Variants in KLHL29 observed in about 807,000 individuals in gnomAD.
KLHL29 encodes kelch-like protein 29.
In KLHL29, 21 loss-of-function variants were observed where a neutral mutation model predicts 80.4. That is an observed-to-expected ratio of 0.26 (90% CI 0.19 to 0.38). The LOEUF (loss-of-function observed/expected upper bound fraction) is 0.38. Ranked by LOEUF, KLHL29 falls within the 10% of genes least tolerant of loss-of-function variation. The pLI is 1.00. For missense variants in KLHL29, 867 were observed against 1,223.9 expected, an observed-to-expected ratio of 0.71 and a Z score of 4.35; for synonymous variants, 511 against 526.8, an observed-to-expected ratio of 0.97 and a Z score of 0.41.
intron 2 of KLHL29, among the ~76,000 whole-genome samples, chr2:23,499,507 C>T (rs1024387596): frequency 3.3e-5 from 5 of 152,186 alleles, no homozygotes; most frequent in Middle Eastern, 3.2e-3. Context: ...GACTTGGTGA[C>T]GTTCCCTGGC....
At chr2:23,600,251 C>G (rs922561227) in intron 3 of KLHL29, among the ~76,000 whole-genome samples, 1 of 152,120 alleles carries the variant, frequency 6.6e-6, no homozygotes, top group Non-Finnish European at 1.5e-5. Flanking sequence ...TCTAAGCCTC[C>G]GGATGGAAGG....
At chr2:23,415,226 C>T (rs1666955463) in intron 1 of KLHL29, among the ~76,000 whole-genome samples, 1 of 152,198 alleles carries the variant, frequency 6.6e-6, no homozygotes, top group Non-Finnish European at 1.5e-5. Flanking sequence ...AGTGAATTTG[C>T]CATTTTCAGC....
At chr2:23,613,381 T>C (rs1419844389) in intron 3 of KLHL29, among the ~76,000 whole-genome samples, 1 of 152,194 alleles carries the variant, frequency 6.6e-6, no homozygotes, top group Admixed American at 6.5e-5. Context: ...CAAAAAGATA[T>C]ACTATGCATA....
At chr2:23,639,822 G>T (rs980210497) in intron 4 of KLHL29, among the ~76,000 whole-genome samples, 1 of 152,238 alleles carries the variant, frequency 6.6e-6, no homozygotes, top group African/African-American at 2.4e-5. Context: ...CCACACAACA[G>T]CCCTACAGGT....
At chr2:23,693,570 G>A (rs113553982) in intron 8 of KLHL29, 42 bp downstream of exon 8, 25 of 1,531,460 alleles carry the variant, frequency 1.6e-5, no homozygotes. Flanking sequence ...TCTGGGTTTG[G>A]GGTCCCCCTG....
chr2:23,404,291 A>G (rs536133383), intron 1 of KLHL29, among the ~76,000 whole-genome samples: 1 of 152,260 alleles, frequency 6.6e-6, no homozygotes, highest in South Asian at 2.1e-4. Context: ...TCACTCAGTC[A>G]TTAGCAAATC....
In KLHL29 at chr2:23,695,770, C is replaced by A; in HGVS notation, c.1690C>A (p.His564Asn). Residue 564 changes from histidine (H) to asparagine (N), a missense_variant, in exon 9 of 14, where the codon CAC (histidine) becomes AAC (asparagine). Transcript: ENST00000486442. This position sits in a 1 kb window ranked among gnomAD's most constrained non-coding sequence, Gnocchi z 7.6. The part of the protein sequence containing the change: ...NEAKRYHMLP[H>N]ARQEMQTPRT... ...GGCCAAACGCTACCATATGCTGCCC[C>A]ACGCCCGCCAGGAGATGCAGACGCC... The A allele has an allele frequency of 6.4e-7, 1 of 1,551,338 alleles. No homozygotes were observed. Among genetic ancestry groups the A allele is most frequent in the Non-Finnish European group, 8.7e-7 (1 of 1,146,988 alleles).
intron 2 of KLHL29, among the ~76,000 whole-genome samples, chr2:23,509,932 ATTTCT>A (rs1288358988): frequency 6.6e-6 from 1 of 152,198 alleles, no homozygotes; most frequent in Admixed American, 6.5e-5. Context: ...AAGTCAATTA[ATTTCT>A]TTTAAATAAC....
intron 3 of KLHL29, among the ~76,000 whole-genome samples, chr2:23,583,641 C>G (rs1445007101): frequency 6.6e-6 from 1 of 152,104 alleles, no homozygotes; most frequent in Non-Finnish European, 1.5e-5. Flanking sequence ...ATCAGACACT[C>G]GATGTGGCCT....
intron 2 of KLHL29, among the ~76,000 whole-genome samples, chr2:23,516,374 CA>C (rs1665926601): frequency 6.6e-6 from 1 of 152,132 alleles, no homozygotes; most frequent in Non-Finnish European, 1.5e-5. Flanking sequence ...TTTATTTTAA[CA>C]AACTTCCCCT....
Position 23,563,991 on chromosome 2 carries a change from G to A in KLHL29, c.285+1510G>A, listed in dbSNP as rs551115190. ...TGACCTCTGCCCAGTAGGGCCAGCCGCTGGACCTGCTGGCCACATCTGGCA... is the reference window on the plus strand; with the variant it reads ...TGACCTCTGCCCAGTAGGGCCAGCCACTGGACCTGCTGGCCACATCTGGCA... On this transcript the variant is annotated intron_variant, in intron 3 of 13. Coordinates refer to ENST00000486442, the MANE Select transcript of KLHL29 (RefSeq NM_052920.2). Among the ~76,000 whole-genome samples, 7 of 152,380 alleles carry A rather than the reference G, an allele frequency of 4.6e-5. No homozygotes were observed. In the East Asian group the frequency reaches 5.8e-4, roughly 13 times the overall value.
At chr2:23,670,654 C>T (rs928154606) in intron 5 of KLHL29, among the ~76,000 whole-genome samples, 2 of 152,128 alleles carry the variant, frequency 1.3e-5, no homozygotes, top group Non-Finnish European at 1.5e-5. Flanking sequence ...TTCTAATATT[C>T]CTCTAATGAT....
At chr2:23,706,397 C>T in intron 13 of KLHL29, 84 bp from the exon 14 acceptor site, 3 of 1,130,034 alleles carry the variant, frequency 2.7e-6, no homozygotes, top group South Asian at 2.1e-5. Flanking sequence ...AGGCAGCCTA[C>T]AACAGGACAC....
At chr2:23,458,128 C>T (rs537386153) in intron 1 of KLHL29, among the ~76,000 whole-genome samples, 3 of 152,314 alleles carry the variant, frequency 2.0e-5, no homozygotes, top group South Asian at 2.1e-4. Flanking sequence ...TGCAGGTGGC[C>T]GGCGTTGCCC....
intron 5 of KLHL29, among the ~76,000 whole-genome samples, chr2:23,661,949 T>C (rs1163738541): frequency 6.6e-6 from 1 of 152,242 alleles, no homozygotes; most frequent in Non-Finnish European, 1.5e-5. Context: ...AGCCAGTTGC[T>C]GTATCCAGCG....
chr2:23,687,020 G>C (rs1192888205), intron 6 of KLHL29, among the ~76,000 whole-genome samples: 1 of 152,160 alleles, frequency 6.6e-6, no homozygotes, highest in Non-Finnish European at 1.5e-5. Flanking sequence ...GTGGTCAAGA[G>C]AGAAGCTGAT....
intron 5 of KLHL29, chr2:23,643,202 C>T (rs1190666131): frequency 4.4e-6 from 2 of 449,870 alleles, no homozygotes; most frequent in Non-Finnish European, 8.4e-6. Context: ...TGAGAGTCAT[C>T]CACTCCTCTC....
At chr2:23,571,695 A>G (rs915316033) in intron 3 of KLHL29, among the ~76,000 whole-genome samples, 2 of 152,210 alleles carry the variant, frequency 1.3e-5, no homozygotes, top group Admixed American at 6.5e-5. Context: ...GTGACTGGAT[A>G]TGTTGCCTTG....
At chr2:23,569,739 A>G (rs1667672408) in intron 3 of KLHL29, among the ~76,000 whole-genome samples, 1 of 152,202 alleles carries the variant, frequency 6.6e-6, no homozygotes. Flanking sequence ...GAAGAAATAA[A>G]CATAAAAAGG....
Sources: allele counts gnomAD v4.1 joint callset (sites outside exome capture counted in the v4.1 genomes callset), GRCh38; gene constraint gnomAD v4.1.1; non-coding constraint Gnocchi (gnomAD v3.1); transcripts MANE v1.5; gene names NCBI Gene and HGNC (gene_info 2026-07-23, HGNC 2026-07-21).